The following LPCAT3 variants were observed in gnomAD, a reference collection of about 807,000 sequenced individuals.
LPCAT3 encodes the protein lysophosphatidylcholine acyltransferase 3, also known as lysophospholipid acyltransferase 5.
LPCAT3 carries 21 observed loss-of-function variants against 63.4 expected under a neutral mutation model. That is an observed-to-expected ratio of 0.33 (90% CI 0.23 to 0.48). The LOEUF (loss-of-function observed/expected upper bound fraction) is 0.48. Ranked by LOEUF, LPCAT3 falls within the 20% of genes least tolerant of loss-of-function variation. The pLI is 0.99. For missense variants in LPCAT3, 451 were observed against 590.6 expected (o/e 0.76, Z 2.45); for synonymous variants, 242 against 227.5 (o/e 1.06, Z -0.58).
intron 4 of LPCAT3, 80 bp downstream of exon 4, chr12:6,981,731 A>AGGGGGGGTGGGGG: frequency 4.7e-6 from 1 of 210,736 alleles, no homozygotes; most frequent in South Asian, 4.1e-5. Flanking sequence ...CGGGGGGCGG[A>AGGGGGGGTGGGGG]GGGGGGGTGC....
chr12:6,999,392 T>C (rs976245623), intron 1 of LPCAT3, among the ~76,000 whole-genome samples: 43 of 152,234 alleles, frequency 2.8e-4, no homozygotes, highest in African/African-American at 9.9e-4. Context: ...AGTTGTTACC[T>C]GTGAGAAAGA....
chr12:7,016,815 G>A (rs1946800224), intron 1 of LPCAT3, among the ~76,000 whole-genome samples: 1 of 152,212 alleles, frequency 6.6e-6, no homozygotes, highest in Non-Finnish European at 1.5e-5. Context: ...AAATTTGGAT[G>A]ATGTCTGGGT....
intron 1 of LPCAT3, among the ~76,000 whole-genome samples, chr12:6,989,982 G>C (rs1033467379): frequency 1.1e-4 from 16 of 151,896 alleles, no homozygotes; most frequent in African/African-American, 3.9e-4. Flanking sequence ...AGACCAGCCT[G>C]GGCAACATAG....
intron 1 of LPCAT3, among the ~76,000 whole-genome samples, chr12:7,006,882 A>G (rs1425776330): frequency 6.6e-6 from 1 of 152,192 alleles, no homozygotes; most frequent in African/African-American, 2.4e-5. Context: ...CACAGCAGAA[A>G]TTGGAAACCT....
At position 6,977,692 on chromosome 12, in the gene LPCAT3, A is replaced by G; in HGVS notation, c.1094T>C (p.Leu365Pro). 1 of 1,614,214 alleles carries G rather than the reference A, an allele frequency of 6.2e-7. No homozygotes were observed. The highest frequency in any genetic ancestry group is 8.5e-7 in the Non-Finnish European group (1 of 1,180,040). The change falls in exon 10 of 13, where the codon CTC (leucine) becomes CCC (proline). Residue 365 changes from leucine (L) to proline (P), a missense_variant. Transcript: ENST00000261407. The surrounding 1 kb of genome is among the most constrained non-coding windows in gnomAD (Gnocchi z 4.5). ...CCAGAGGGCCAGGAATAGCAACGAGAGACCCTGAGAGAGTTCTTTATTTCC... is the reference window on the plus strand; with the variant it reads ...CCAGAGGGCCAGGAATAGCAACGAGGGACCCTGAGAGAGTTCTTTATTTCC... Reference protein sequence around the residue: ...FLGNKELSQGLSLLFLALWHG... With the variant: ...FLGNKELSQGPSLLFLALWHG...
chr12:6,979,463 ACACT>A lies in LPCAT3; in HGVS notation c.786+4_786+7del. 4 of 1,587,718 alleles carry A rather than the reference ACACT, an allele frequency of 2.5e-6. No individual in the cohort carries two copies. Among genetic ancestry groups the A allele is most frequent in the Non-Finnish European group, 3.5e-6 (4 of 1,155,970 alleles). ...AGTCATGCTGCTGCTGCTTTAGTAG[ACACT>A]CACGTCATAGTCTTCAGTGAGGAGA... On this transcript the variant is annotated splice_donor_5th_base_variant and intron_variant, in intron 7 of 12. Coordinates refer to ENST00000261407, the MANE Select transcript of LPCAT3 (RefSeq NM_005768.6).
chr12:6,979,604 T>A, intron 6 of LPCAT3, 25 bp from the exon 7 acceptor site: 1 of 1,508,450 alleles, frequency 6.6e-7, no homozygotes, highest in Admixed American at 1.7e-5. Context: ...GTGAAGTTCC[T>A]GGTCACAGAG....
chr12:6,978,088 A>G (rs1358110272), intron 9 of LPCAT3: 5 of 566,814 alleles, frequency 8.8e-6, no homozygotes, highest in East Asian at 6.0e-5. Flanking sequence ...AGTGGAGGAC[A>G]TAAGTCCATT....
chr12:7,010,316 G>A (rs1234280119), intron 1 of LPCAT3, among the ~76,000 whole-genome samples: 2 of 152,158 alleles, frequency 1.3e-5, no homozygotes, highest in Non-Finnish European at 2.9e-5. Flanking sequence ...TAGCTGGAAA[G>A]CTCCTCCGCT....
At chr12:7,013,670 C>T (rs1265031641) in intron 1 of LPCAT3, among the ~76,000 whole-genome samples, 3 of 152,116 alleles carry the variant, frequency 2.0e-5, no homozygotes, top group Non-Finnish European at 2.9e-5. Flanking sequence ...CAAAAGGTTC[C>T]GGTATTCCTA....
At chr12:6,990,647 G>T (rs1555155385) in intron 1 of LPCAT3, among the ~76,000 whole-genome samples, 1 of 151,738 alleles carries the variant, frequency 6.6e-6, no homozygotes, top group Non-Finnish European at 1.5e-5. Context: ...TAAAAACTGG[G>T]TGTGGTGGCT....
At chr12:6,998,836 A>AT (rs1207387361) in intron 1 of LPCAT3, among the ~76,000 whole-genome samples, 5 of 152,378 alleles carry the variant, frequency 3.3e-5, no homozygotes, top group African/African-American at 1.2e-4. Context: ...CTTACTTAGA[A>AT]CTGAAGAATT....
At chr12:6,996,166 C>T (rs1392826394) in intron 1 of LPCAT3, among the ~76,000 whole-genome samples, 1 of 152,202 alleles carries the variant, frequency 6.6e-6, no homozygotes, top group Non-Finnish European at 1.5e-5. Context: ...CCCTTCTGCT[C>T]CAGCCCCAAA....
rs771562180 is a variant in LPCAT3 at position 7,014,880 on chromosome 12, G to A, written c.151+3394C>T. On this transcript the variant is annotated intron_variant, in intron 1 of 12. Transcript: ENST00000261407. The stretch of plus-strand genomic sequence containing the variant: ...TGCACTCCAGTGTGGGTGACAGAGC[G>A]AGACTCCGTCTCAAAAAAAAAAAAA... Among the ~76,000 whole-genome samples the A allele has an allele frequency of 3.6e-4, 48 of 134,900 alleles. 1 individual carries two copies. The highest frequency in any genetic ancestry group is 5.7e-4 in the Non-Finnish European group (36 of 63,354). 88.5% of individuals were successfully genotyped at this position (134,900 alleles called of 152,430 possible).
At chr12:7,000,806 A>C (rs1946679831) in intron 1 of LPCAT3, among the ~76,000 whole-genome samples, 1 of 151,314 alleles carries the variant, frequency 6.6e-6, no homozygotes, top group Admixed American at 6.6e-5. Context: ...TCCCGGGTTC[A>C]CGCCATTCTC....
At chr12:6,981,538 CT>C in intron 5 of LPCAT3, 56 bp downstream of exon 5, 1 of 1,577,694 alleles carries the variant, frequency 6.3e-7, no homozygotes, top group East Asian at 2.2e-5. Flanking sequence ...TTGTTAACAA[CT>C]TTTTTCTTCC....
chr12:6,981,438 G>T, intron 5 of LPCAT3, 157 bp downstream of exon 5: 1 of 794,818 alleles, frequency 1.3e-6, no homozygotes, highest in Non-Finnish European at 2.1e-6. Context: ...AATTAGATTT[G>T]TTGATCCTTG....
intron 1 of LPCAT3, among the ~76,000 whole-genome samples, chr12:7,000,177 C>T (rs1946672436): frequency 6.6e-6 from 1 of 151,980 alleles, no homozygotes; most frequent in African/African-American, 2.4e-5. Flanking sequence ...GCCTCAGACT[C>T]CCAAAGTGCT....
At chr12:6,991,603 T>C (rs1194312413) in intron 1 of LPCAT3, among the ~76,000 whole-genome samples, 1 of 152,200 alleles carries the variant, frequency 6.6e-6, no homozygotes, top group Non-Finnish European at 1.5e-5. Context: ...AATTCTAATT[T>C]TTACTTGAAA....
Sources: allele counts gnomAD v4.1 joint callset (sites outside exome capture counted in the v4.1 genomes callset), GRCh38; gene constraint gnomAD v4.1.1; non-coding constraint Gnocchi (gnomAD v3.1); transcripts MANE v1.5; gene names NCBI Gene and HGNC (gene_info 2026-07-23, HGNC 2026-07-21).